Variants in TEX29 observed in about 807,000 individuals in gnomAD.
The protein encoded by TEX29 is testis expressed 29.
Under a neutral mutation model 18.2 loss-of-function variants are expected in TEX29, and 26 were observed. The ratio of observed to expected loss-of-function variants is 1.43; its 90% confidence interval spans 1.04 to 1.98. TEX29 has a LOEUF of 1.98. Ranked by LOEUF, TEX29 falls within the 30% of genes most tolerant of loss-of-function variation. The probability of loss-of-function intolerance (pLI) is 0.00; values close to 1 mark genes in which losing one functional copy is unlikely to be tolerated. For synonymous variants in TEX29, 83 were observed against 78.5 expected (o/e 1.06, Z -0.31); for missense variants, 177 against 194.2 (o/e 0.91, Z 0.53).
intron 3 of TEX29, among the ~76,000 whole-genome samples, chr13:111,338,761 AACC>A (rs1238232048): frequency 6.6e-6 from 1 of 152,258 alleles, no homozygotes; most frequent in Non-Finnish European, 1.5e-5. Flanking sequence ...GTGATTAGCC[AACC>A]ACTTAAGAAC....
intron 3 of TEX29, among the ~76,000 whole-genome samples, chr13:111,334,879 G>A (rs2254349): frequency 3.9e-5 from 6 of 152,116 alleles, no homozygotes; most frequent in African/African-American, 9.6e-5. Flanking sequence ...TGTTCTGCCC[G>A]CTGCAGTGGC....
intron 2 of TEX29, among the ~76,000 whole-genome samples, chr13:111,326,050 G>A (rs928591745): frequency 6.6e-6 from 1 of 152,232 alleles, no homozygotes; most frequent in African/African-American, 2.4e-5. Context: ...GGAGACAGCA[G>A]GACCCTGAAG....
chr13:111,342,884 C>T lies in TEX29; in HGVS notation c.368C>T (p.Pro123Leu). 2 of 1,614,190 alleles carry T rather than the reference C, an allele frequency of 1.2e-6. No homozygotes were observed. The highest frequency in any genetic ancestry group is 2.2e-5 in the South Asian group (2 of 91,086). Residue 123 changes from proline to leucine, a missense_variant, in exon 5 of 6, where the codon CCT (proline) becomes CTT (leucine). By Grantham distance (98) the Pro-to-Leu change is moderately conservative (BLOSUM62 -3). Transcript: ENST00000283547. Reference sequence around the variant, plus strand: ...GGGCTGAAGCCTGCGAGTCCTGGGCCTCCAAGTGCTGGGCCCTCGATGAAG... The same window carrying T: ...GGGCTGAAGCCTGCGAGTCCTGGGCTTCCAAGTGCTGGGCCCTCGATGAAG... ...KLGLKPASPG[P>L]PSAGPSMKSD...
At chr13:111,324,546 G>A (rs1192823695) in intron 2 of TEX29, among the ~76,000 whole-genome samples, 1 of 152,232 alleles carries the variant, frequency 6.6e-6, no homozygotes, top group Non-Finnish European at 1.5e-5. Context: ...TGAGGACCCG[G>A]CGCTGCCCTG....
At position 111,344,081 on chromosome 13, in the gene TEX29, A is replaced by G. The variant is rs767379293; in HGVS notation, c.416-2A>G. The G allele has an allele frequency of 5.0e-6, 8 of 1,610,110 alleles. No individual in the cohort carries two copies. The Admixed American group carries it at 1.3e-4, about 27-fold the overall frequency. ...AACAATTCTTCTTTTCTAAAAATCT[A>G]GTAACAGGGACAATAACAGAAGCCG... On this transcript the variant is annotated splice_acceptor_variant, in intron 5 of 5. Coordinates refer to ENST00000283547, the MANE Select transcript of TEX29 (RefSeq NM_152324.3). LOFTEE classifies it high-confidence loss of function.
At chr13:111,339,678 G>C (rs377349537) in intron 3 of TEX29, among the ~76,000 whole-genome samples, 185 bp from the exon 4 acceptor site, 2 of 152,204 alleles carry the variant, frequency 1.3e-5, no homozygotes, top group East Asian at 1.9e-4. Context: ...GCCTGCGGGG[G>C]CCTTTGGAGA....
At chr13:111,317,629 C>T (rs879149560), upstream of TEX29, among the ~76,000 whole-genome samples, 3 of 152,236 alleles carry the variant, frequency 2.0e-5, no homozygotes, top group Admixed American at 6.5e-5. Context: ...GTCATCAACA[C>T]GGGCGTGTTT....
At chr13:111,343,035 C>T in intron 5 of TEX29, 104 bp downstream of exon 5, 1 of 1,342,620 alleles carries the variant, frequency 7.4e-7, no homozygotes, top group Non-Finnish European at 1.0e-6. Context: ...ACAGGCCCTT[C>T]AACCTCAGTG....
chr13:111,322,318 G>A (rs560040123), intron 2 of TEX29, among the ~76,000 whole-genome samples: 1 of 151,366 alleles, frequency 6.6e-6, no homozygotes, highest in Admixed American at 6.6e-5. Context: ...CGCTCTTGTG[G>A]ACGGCTGGGG....
upstream of TEX29, chr13:111,316,336 C>T (rs889422445): frequency 1.3e-4 from 60 of 452,670 alleles, no homozygotes; most frequent in Admixed American, 6.1e-4. Context: ...ATGCACACGC[C>T]TCCCGCCACC....
At chr13:111,335,145 G>A (rs911700912) in intron 3 of TEX29, among the ~76,000 whole-genome samples, 2 of 152,138 alleles carry the variant, frequency 1.3e-5, no homozygotes, top group African/African-American at 4.8e-5. Flanking sequence ...ATTGGCAGGG[G>A]GGTTCTCGCT....
upstream of TEX29, among the ~76,000 whole-genome samples, chr13:111,316,519 A>G (rs916867492): frequency 3.3e-5 from 5 of 152,226 alleles, no homozygotes; most frequent in South Asian, 2.1e-4. Flanking sequence ...GTTATTTCCA[A>G]TGTTTTCCAG....
chr13:111,342,810 A>C lies in TEX29; in HGVS notation c.294A>C (p.Pro98=). The change falls in exon 5 of 6, where the codon CCA becomes CCC. Residue 98 remains proline (P), a synonymous_variant. Transcript: ENST00000283547. ...EKAIPVDVAL[P]QKSSEKAELA... ...CCATCCCTGTGGATGTCGCGCTGCC[A>C]CAGAAGTCCAGCGAAAAGGCGGAGT... is the stretch of plus-strand genomic sequence containing the variant. 6.2e-7 allele frequency: 1 copy of C among 1,614,112 alleles called. No homozygotes were observed. The highest frequency in any genetic ancestry group is 8.5e-7 in the Non-Finnish European group (1 of 1,180,028).
chr13:111,317,511 G>A (rs115331809), upstream of TEX29, among the ~76,000 whole-genome samples: 4,536 of 152,290 alleles, frequency 0.03, 112 homozygotes, highest in African/African-American at 0.065. Context: ...GACCTGGCGT[G>A]CTCCTCCGGC....
upstream of TEX29, among the ~76,000 whole-genome samples, chr13:111,317,310 T>C (rs1357929039): frequency 6.6e-6 from 1 of 152,080 alleles, no homozygotes; most frequent in Non-Finnish European, 1.5e-5. Context: ...GGTGGCCTGC[T>C]GTCACCCCAT....
intron 3 of TEX29, among the ~76,000 whole-genome samples, chr13:111,333,125 A>G (rs887348495): frequency 2.0e-5 from 3 of 152,096 alleles, no homozygotes; most frequent in African/African-American, 7.2e-5. Context: ...TTTGTATATA[A>G]TGTGTCACTT....
intron 3 of TEX29, among the ~76,000 whole-genome samples, chr13:111,333,478 C>T (rs1199791768): frequency 6.6e-6 from 1 of 152,264 alleles, no homozygotes; most frequent in African/African-American, 2.4e-5. Flanking sequence ...GATTGTTTTG[C>T]CTGCTCAAAT....
At chr13:111,328,999 G>A (rs1198038770) in intron 3 of TEX29, among the ~76,000 whole-genome samples, 1 of 152,240 alleles carries the variant, frequency 6.6e-6, no homozygotes, top group Non-Finnish European at 1.5e-5. Flanking sequence ...TGGCCTGCGC[G>A]TGAAGGGCGT....
intron 2 of TEX29, among the ~76,000 whole-genome samples, chr13:111,325,880 T>C (rs1301713366): frequency 1.3e-5 from 2 of 152,260 alleles, no homozygotes. Flanking sequence ...TTCAGTGGCA[T>C]ATTTCCTGCC....
Sources: gnomAD v4.1 joint callset for allele counts (sites outside exome capture counted in the v4.1 genomes callset) on GRCh38, gnomAD v4.1.1 for gene constraint, MANE v1.5 for transcripts, NCBI Gene and HGNC (gene_info 2026-07-23, HGNC 2026-07-21) for gene names.